The following SNAP91 variants were observed in gnomAD, a reference collection of about 807,000 sequenced individuals.
SNAP91 encodes clathrin coat assembly protein AP180.
Under a neutral mutation model 100.3 loss-of-function variants are expected in SNAP91, and 27 were observed. The observed-to-expected ratio is 0.27, with a 90% CI of 0.20 to 0.37. The LOEUF (loss-of-function observed/expected upper bound fraction) is 0.37. Ranked by LOEUF, SNAP91 falls within the 10% of genes least tolerant of loss-of-function variation. SNAP91 has a pLI of 1.00. For synonymous variants in SNAP91, 404 were observed against 398.6 expected (o/e 1.01, Z -0.16); for missense variants, 986 against 1,123.7 (o/e 0.88, Z 1.75).
At chr6:83,702,171 G>A (rs746520108) in intron 2 of SNAP91, among the ~76,000 whole-genome samples, 5 of 152,186 alleles carry the variant, frequency 3.3e-5, no homozygotes, top group Non-Finnish European at 2.9e-5. Flanking sequence ...CAAGGAATTT[G>A]ATTTTTCAAA....
At chr6:83,595,607 C>A (rs761148427) in intron 16 of SNAP91, among the ~76,000 whole-genome samples, 7 of 152,088 alleles carry the variant, frequency 4.6e-5, no homozygotes, top group Non-Finnish European at 8.8e-5. Context: ...AGAGTGGAGA[C>A]CAGCACCCAC....
At chr6:83,601,989 C>G (rs1463949726) in intron 14 of SNAP91, among the ~76,000 whole-genome samples, 2 of 151,900 alleles carry the variant, frequency 1.3e-5, no homozygotes, top group Non-Finnish European at 2.9e-5. Context: ...GGCAGTAATC[C>G]CATGTTTCTC....
At chr6:83,565,294 C>A (rs368457280) in intron 26 of SNAP91, among the ~76,000 whole-genome samples, 1 of 151,954 alleles carries the variant, frequency 6.6e-6, no homozygotes, top group Non-Finnish European at 1.5e-5. Flanking sequence ...AACTTGAGAC[C>A]CTAATCAGCC....
At chr6:83,653,091 G>C (rs536304196) in intron 7 of SNAP91, among the ~76,000 whole-genome samples, 2 of 152,140 alleles carry the variant, frequency 1.3e-5, no homozygotes, top group East Asian at 3.9e-4. Flanking sequence ...TTCCTACTTG[G>C]TGTTCTCTGA....
At chr6:83,582,450 G>A in intron 22 of SNAP91, 94 bp from the exon 23 acceptor site, 3 of 1,269,264 alleles carry the variant, frequency 2.4e-6, no homozygotes, top group Non-Finnish European at 3.2e-6. Context: ...AAACTGAAAA[G>A]GAATTAATTG....
intron 2 of SNAP91, among the ~76,000 whole-genome samples, chr6:83,667,278 T>C (rs2128785925): frequency 6.6e-6 from 1 of 152,170 alleles, no homozygotes; most frequent in East Asian, 1.9e-4. Context: ...AGAATTGTAG[T>C]GTAGTATCAA....
intron 24 of SNAP91, among the ~76,000 whole-genome samples, chr6:83,577,436 G>A (rs1340961808): frequency 2.0e-5 from 3 of 151,962 alleles, no homozygotes; most frequent in Non-Finnish European, 4.4e-5. Context: ...TGATTAAAAA[G>A]CTAAACCAAG....
intron 8 of SNAP91, among the ~76,000 whole-genome samples, chr6:83,631,305 T>C (rs189007388): frequency 1.3e-5 from 2 of 152,292 alleles, no homozygotes; most frequent in East Asian, 1.9e-4. Context: ...TTGAAAAGAA[T>C]GTATATTCTG....
chr6:83,624,946 A>G (rs2096874248), intron 8 of SNAP91, among the ~76,000 whole-genome samples: 1 of 152,092 alleles, frequency 6.6e-6, no homozygotes, highest in South Asian at 2.1e-4. Flanking sequence ...TTACAAGGGT[A>G]CATTGTATGA....
At chr6:83,615,660 T>C (rs936255780) in intron 10 of SNAP91, among the ~76,000 whole-genome samples, 1 of 152,196 alleles carries the variant, frequency 6.6e-6, no homozygotes, top group Admixed American at 6.5e-5. Flanking sequence ...TCATTCCAAA[T>C]AGCTCTGCCA....
intron 7 of SNAP91, among the ~76,000 whole-genome samples, chr6:83,645,961 T>A (rs1413773281): frequency 6.6e-6 from 1 of 152,238 alleles, no homozygotes; most frequent in Non-Finnish European, 1.5e-5. Context: ...GCATTTAAGA[T>A]TCCTTCACGC....
intron 2 of SNAP91, among the ~76,000 whole-genome samples, chr6:83,707,305 G>C (rs2099393652): frequency 6.6e-6 from 1 of 151,794 alleles, no homozygotes; most frequent in Non-Finnish European, 1.5e-5. Flanking sequence ...CAATCCTCAG[G>C]AGCAACACTT....
At chr6:83,697,013 T>C (rs1406876715) in intron 2 of SNAP91, among the ~76,000 whole-genome samples, 1 of 152,168 alleles carries the variant, frequency 6.6e-6, no homozygotes, top group Non-Finnish European at 1.5e-5. Context: ...AAATTAAATA[T>C]GTTGTTATTT....
At chr6:83,598,402 A>T (rs1297569296) in intron 16 of SNAP91, among the ~76,000 whole-genome samples, 4 of 152,198 alleles carry the variant, frequency 2.6e-5, no homozygotes, top group Non-Finnish European at 5.9e-5. Flanking sequence ...CTTGTGTATC[A>T]ATAAGAATAT....
intron 8 of SNAP91, among the ~76,000 whole-genome samples, chr6:83,628,928 A>C (rs1442929612): frequency 1.3e-5 from 2 of 152,140 alleles, no homozygotes; most frequent in Non-Finnish European, 2.9e-5. Flanking sequence ...CTGGTCATGA[A>C]ATCCTTGCCT....
chr6:83,607,572 A>G (rs1453688202), intron 13 of SNAP91, 127 bp downstream of exon 13: 8 of 550,852 alleles, frequency 1.5e-5, no homozygotes, highest in Non-Finnish European at 2.2e-5. Flanking sequence ...TACTTTGTGT[A>G]GTAAAAACTT....
At chr6:83,704,191 T>C (rs1429820069) in intron 2 of SNAP91, among the ~76,000 whole-genome samples, 1 of 152,164 alleles carries the variant, frequency 6.6e-6, no homozygotes, top group Admixed American at 6.5e-5. Context: ...CATTGAGTCC[T>C]GGATGTTTTA....
intron 2 of SNAP91, among the ~76,000 whole-genome samples, chr6:83,684,510 T>C (rs748544034): frequency 3.3e-5 from 5 of 152,198 alleles, no homozygotes; most frequent in Non-Finnish European, 7.3e-5. Context: ...TAATACCTTC[T>C]TTGCAAGCTT....
Position 83,665,529 on chromosome 6 carries a change from G to A in SNAP91, c.183C>T (p.Asp61=), listed in dbSNP as rs760766600. The change falls in exon 3 of 30, where the codon GAC becomes GAT. Residue 61 remains aspartate (D), a synonymous_variant. Coordinates refer to ENST00000369694, the MANE Select transcript of SNAP91 (RefSeq NM_001242792.2). ...TGTTTGTTGCCCGCTCAAAGAGAGT[G>A]TCGGCCATCTGAGGAATATTAACAT... ...ETNVNIPQMA[D]TLFERATNSS... is the part of the protein sequence containing the mutation. The A allele has an allele frequency of 6.2e-7, 1 of 1,612,740 alleles. No homozygotes were observed. Among genetic ancestry groups the A allele is most frequent in the Non-Finnish European group, 8.5e-7 (1 of 1,179,224 alleles).
Sources: allele counts gnomAD v4.1 joint callset (sites outside exome capture counted in the v4.1 genomes callset), GRCh38; gene constraint gnomAD v4.1.1; transcripts MANE v1.5; gene names NCBI Gene and HGNC (gene_info 2026-07-23, HGNC 2026-07-21).